The following PPP4R1 variants were observed in gnomAD, a reference collection of about 807,000 sequenced individuals.
The protein encoded by PPP4R1 is serine/threonine-protein phosphatase 4 regulatory subunit 1.
PPP4R1 carries 42 observed loss-of-function variants against 111.2 expected under a neutral mutation model. The observed-to-expected ratio is 0.38, with a 90% confidence interval of 0.29 to 0.49. The LOEUF (loss-of-function observed/expected upper bound fraction) is 0.49. Ranked by LOEUF, PPP4R1 falls within the 20% of genes least tolerant of loss-of-function variation. The probability of loss-of-function intolerance (pLI) is 0.97; values close to 1 mark genes in which losing one functional copy is unlikely to be tolerated. For missense variants in PPP4R1, 1,012 were observed against 1,161.6 expected (o/e 0.87, Z 1.87); for synonymous variants, 409 against 405.5 (o/e 1.01, Z -0.10).
In PPP4R1 at chr18:9,567,709, C is replaced by T. The variant is rs188905613; in HGVS notation, c.1573+2448G>A. 1.5e-3 allele frequency among the ~76,000 whole-genome samples: 236 copies of T among 152,304 alleles called. 1 individual carries two copies. Among genetic ancestry groups the T allele is most frequent in the Admixed American group, 0.014 (214 of 15,300 alleles). On this transcript the variant is annotated intron_variant, in intron 11 of 19. Transcript: ENST00000400556. ...GACTGACTCTAATTTTTAAAGATGT[C>T]TCCTGCAGGTAATATGCCAACAAAC...
At position 9,564,823 on chromosome 18, in the gene PPP4R1, C is replaced by CT. The variant is rs35434912; in HGVS notation, c.1574-1274dup. 6.2e-3 allele frequency among the ~76,000 whole-genome samples: 883 copies of CT among 141,722 alleles called. 14 individuals carry two copies. Among genetic ancestry groups the CT allele is most frequent in the African/African-American group, 0.021 (790 of 38,382 alleles). 93.0% of individuals were successfully genotyped at this position (141,722 alleles called of 152,430 possible). On this transcript the variant is annotated intron_variant, in intron 11 of 19. Coordinates refer to ENST00000400556, the MANE Select transcript of PPP4R1 (RefSeq NM_001042388.3). ...GCACTTTGTAGATACTACACTTTGG[C>CT]TTTTTTTTTTTTTCTTTAAAGAGGT...
chr18:9,558,341 G>A (rs968451431), intron 14 of PPP4R1, among the ~76,000 whole-genome samples: 1 of 152,132 alleles, frequency 6.6e-6, no homozygotes, highest in Non-Finnish European at 1.5e-5. Flanking sequence ...CAGGTGCCCC[G>A]AAAGATACAT....
At chr18:9,556,417 T>C (rs893689179) in intron 15 of PPP4R1, among the ~76,000 whole-genome samples, 1 of 152,030 alleles carries the variant, frequency 6.6e-6, no homozygotes, top group African/African-American at 2.4e-5. Context: ...GGTCTCAACC[T>C]CCTGACCTCA....
At chr18:9,557,151 A>G in intron 15 of PPP4R1, 70 bp downstream of exon 15, 1 of 1,390,372 alleles carries the variant, frequency 7.2e-7, no homozygotes, top group South Asian at 1.5e-5. Flanking sequence ...TCTTGGTGAT[A>G]GCAGAAGATA....
At chr18:9,610,275 T>C (rs969395338) in intron 2 of PPP4R1, among the ~76,000 whole-genome samples, 1 of 152,228 alleles carries the variant, frequency 6.6e-6, no homozygotes, top group African/African-American at 2.4e-5. Flanking sequence ...TGTCTCCCAT[T>C]ATTTAAGGAA....
chr18:9,598,635 C>T (rs1364684620), intron 2 of PPP4R1, among the ~76,000 whole-genome samples: 1 of 152,032 alleles, frequency 6.6e-6, no homozygotes, highest in African/African-American at 2.4e-5. Flanking sequence ...AGCAGACATG[C>T]ACTATAGGAA....
chr18:9,563,015 A>G (rs1240350472), intron 12 of PPP4R1: 4 of 1,022,170 alleles, frequency 3.9e-6, no homozygotes, highest in Non-Finnish European at 4.7e-6. Flanking sequence ...TGCTTGCTGC[A>G]GTGAAATGGT....
At chr18:9,611,675 T>C (rs890424422) in intron 2 of PPP4R1, among the ~76,000 whole-genome samples, 1 of 152,260 alleles carries the variant, frequency 6.6e-6, no homozygotes, top group African/African-American at 2.4e-5. Context: ...CTTCAATGTC[T>C]GTTTTATCCT....
At chr18:9,561,848 T>C (rs2066682628) in intron 13 of PPP4R1, 132 bp downstream of exon 13, 1 of 686,098 alleles carries the variant, frequency 1.5e-6, no homozygotes, top group Non-Finnish European at 2.6e-6. Context: ...TCGATTTCCT[T>C]ATGGAAAATA....
At chr18:9,612,319 A>G (rs2067595395) in intron 2 of PPP4R1, 1 of 152,294 alleles carries the variant, frequency 6.6e-6, no homozygotes, top group Admixed American at 6.5e-5. Context: ...GCCCAAAAAG[A>G]CACTGCTAAG....
intron 18 of PPP4R1, 89 bp from the exon 19 acceptor site, chr18:9,549,427 G>C: frequency 6.8e-7 from 1 of 1,480,270 alleles, no homozygotes; most frequent in East Asian, 2.3e-5. Flanking sequence ...AGTGACCACA[G>C]GTACAAATTT....
rs370253770 is a variant in PPP4R1, at chr18:9,584,706, A to C, written c.693+15T>G. 8 of 1,612,364 alleles carry C rather than the reference A, an allele frequency of 5.0e-6. No homozygotes were observed. The highest frequency in any genetic ancestry group is 2.2e-5 in the East Asian group (1 of 44,846). On this transcript the variant is annotated intron_variant, in intron 7 of 19. Coordinates refer to ENST00000400556, the MANE Select transcript of PPP4R1 (RefSeq NM_001042388.3). ...TATGTTCTTAAACAGCAGAAAAAAAACGACAAAAAAATACCTTTCGAACGT... is the reference window on the plus strand; with the variant it reads ...TATGTTCTTAAACAGCAGAAAAAAACCGACAAAAAAATACCTTTCGAACGT...
At chr18:9,575,723 C>G (rs975287023) in intron 10 of PPP4R1, among the ~76,000 whole-genome samples, 1 of 152,170 alleles carries the variant, frequency 6.6e-6, no homozygotes, top group African/African-American at 2.4e-5. Flanking sequence ...TACTGGAACA[C>G]AGCCAAGCTT....
intron 2 of PPP4R1, among the ~76,000 whole-genome samples, chr18:9,607,382 GA>G (rs1235259434): frequency 6.7e-6 from 1 of 150,202 alleles, no homozygotes; most frequent in Non-Finnish European, 1.5e-5. Context: ...AACAAAAACA[GA>G]AACATGGATA....
intron 11 of PPP4R1, among the ~76,000 whole-genome samples, chr18:9,566,474 A>C (rs2066766979): frequency 6.6e-6 from 1 of 151,740 alleles, no homozygotes; most frequent in African/African-American, 2.4e-5. Context: ...GCATGGTGAA[A>C]TCCCATTAAA....
At chr18:9,571,132 G>C (rs758415945) in intron 10 of PPP4R1, among the ~76,000 whole-genome samples, 5 of 152,092 alleles carry the variant, frequency 3.3e-5, no homozygotes, top group Non-Finnish European at 5.9e-5. Context: ...AAGCCTATTT[G>C]CTTACATTAC....
At chr18:9,568,053 G>T (rs912895969) in intron 11 of PPP4R1, among the ~76,000 whole-genome samples, 1 of 152,094 alleles carries the variant, frequency 6.6e-6, no homozygotes, top group Non-Finnish European at 1.5e-5. Context: ...TTCTGAGACT[G>T]GGTCTTACTC....
chr18:9,597,274 G>C (rs1199262442), intron 2 of PPP4R1, among the ~76,000 whole-genome samples: 1 of 152,162 alleles, frequency 6.6e-6, no homozygotes, highest in African/African-American at 2.4e-5. Flanking sequence ...TAACTTCCTG[G>C]AAATAATTTC....
chr18:9,563,264 A>G, intron 12 of PPP4R1, 114 bp downstream of exon 12: 1 of 1,324,942 alleles, frequency 7.5e-7, no homozygotes, highest in South Asian at 1.5e-5. Flanking sequence ...GAGCTAAAAA[A>G]TCAGCAACAA....
Sources: allele counts gnomAD v4.1 joint callset (sites outside exome capture counted in the v4.1 genomes callset), GRCh38; gene constraint gnomAD v4.1.1; transcripts MANE v1.5; gene names NCBI Gene and HGNC (gene_info 2026-07-23, HGNC 2026-07-21).